The following CALN1 variants were observed in gnomAD, a reference collection of about 807,000 sequenced individuals.
The protein encoded by CALN1 is calcium-binding protein 8.
A neutral mutation model predicts 30.6 loss-of-function variants in CALN1; 17 were observed. The observed-to-expected ratio is 0.56, with a 90% CI of 0.38 to 0.83. The LOEUF (loss-of-function observed/expected upper bound fraction) is 0.83. CALN1 is among the 40% of genes least tolerant of loss of function. CALN1 has a pLI of 0.00. For synonymous variants in CALN1, 156 were observed against 131.4 expected (o/e 1.19, Z -1.28); for missense variants, 291 against 354.9 (o/e 0.82, Z 1.45).
chr7:72,421,821 C>G (rs1278509495), intron 1 of CALN1, among the ~76,000 whole-genome samples: 4 of 151,956 alleles, frequency 2.6e-5, no homozygotes, highest in African/African-American at 9.7e-5. Context: ...ATCTCCTGAC[C>G]TCATGATCTG....
chr7:71,903,395 T>C (rs1793966227), intron 5 of CALN1, among the ~76,000 whole-genome samples: 3 of 152,046 alleles, frequency 2.0e-5, no homozygotes, highest in Admixed American at 2.0e-4. Flanking sequence ...CAGAAATAAA[T>C]CCACATATTT....
In CALN1 at chr7:72,278,826, C is replaced by T; in HGVS notation, c.120-16G>A. The T allele has an allele frequency of 3.8e-6, 6 of 1,599,510 alleles. No individual in the cohort carries two copies. The highest frequency in any genetic ancestry group is 5.1e-6 in the Non-Finnish European group (6 of 1,167,846). On this transcript the variant is annotated splice_polypyrimidine_tract_variant and intron_variant, in intron 2 of 6. Coordinates refer to ENST00000395275, the MANE Select transcript of CALN1 (RefSeq NM_031468.4). ...CATCTTTTCCCTGCCCAAGAGAGAA[C>T]AGGGGAGGGGAAAAGAAAGACATCA...
chr7:72,116,034 G>C (rs547641246), intron 3 of CALN1, among the ~76,000 whole-genome samples: 1 of 152,202 alleles, frequency 6.6e-6, no homozygotes, highest in East Asian at 1.9e-4. Context: ...AGTCCATTGT[G>C]TATATGGACT....
At chr7:71,997,110 T>A (rs540085363) in intron 5 of CALN1, among the ~76,000 whole-genome samples, 2 of 152,122 alleles carry the variant, frequency 1.3e-5, no homozygotes, top group African/African-American at 4.8e-5. Flanking sequence ...GCACTGATAG[T>A]CCCAGCTACT....
the CALN1 span, among the ~76,000 whole-genome samples, chr7:72,462,021 GAA>G: frequency 7.2e-6 from 1 of 139,668 alleles, no homozygotes; most frequent in Non-Finnish European, 1.6e-5. Context: ...AAGAAAGAAA[GAA>G]AAAAAAAAAA....
chr7:72,170,166 A>G (rs1236301371), intron 3 of CALN1, among the ~76,000 whole-genome samples: 1 of 152,112 alleles, frequency 6.6e-6, no homozygotes, highest in Non-Finnish European at 1.5e-5. Flanking sequence ...TACATTTTGT[A>G]GAGACAGGAT....
intron 4 of CALN1, among the ~76,000 whole-genome samples, chr7:72,041,860 T>C (rs1220577597): frequency 1.3e-5 from 2 of 152,210 alleles, no homozygotes; most frequent in Admixed American, 6.5e-5. Context: ...GGCCTCTCCT[T>C]CTTTGCCTGC....
At chr7:72,302,863 A>G (rs1033728187) in intron 2 of CALN1, among the ~76,000 whole-genome samples, 1 of 127,890 alleles carries the variant, frequency 7.8e-6, no homozygotes, top group Non-Finnish European at 1.6e-5. Context: ...GCGCCACTGC[A>G]CTCCAGGCTT....
chr7:71,895,792 C>T (rs146602734), intron 5 of CALN1, among the ~76,000 whole-genome samples: 1 of 152,272 alleles, frequency 6.6e-6, no homozygotes, highest in African/African-American at 2.4e-5. Flanking sequence ...CATTAGAGTT[C>T]GTGCTTGACT....
chr7:72,472,197 A>G, the CALN1 span, among the ~76,000 whole-genome samples: 1 of 152,120 alleles, frequency 6.6e-6, no homozygotes, highest in Non-Finnish European at 1.5e-5. Context: ...GGAGAGTGCC[A>G]CTTTCTCAGC....
At chr7:71,801,428 G>GTATCTATCTATCTATCTATCTATC (rs58500083) in intron 6 of CALN1, among the ~76,000 whole-genome samples, 59 of 87,724 alleles carry the variant, frequency 6.7e-4, no homozygotes, top group Admixed American at 1.0e-3. Flanking sequence ...ATGTATGTAT[G>GTATCTATCTATCTATCTATCTATC]TATCTATCTA....
intron 5 of CALN1, among the ~76,000 whole-genome samples, chr7:72,009,790 T>A (rs1024629425): frequency 2.0e-5 from 3 of 152,224 alleles, no homozygotes; most frequent in Non-Finnish European, 4.4e-5. Context: ...TCTGCCACCA[T>A]GTAAGACATG....
intron 4 of CALN1, among the ~76,000 whole-genome samples, chr7:72,028,035 G>A (rs2129531179): frequency 6.9e-6 from 1 of 145,436 alleles, no homozygotes; most frequent in African/African-American, 2.5e-5. Flanking sequence ...CTCCAGCCTG[G>A]GCGACAGAGC....
intron 5 of CALN1, among the ~76,000 whole-genome samples, chr7:71,922,685 A>G (rs1311457299): frequency 7.2e-6 from 1 of 138,732 alleles, no homozygotes; most frequent in African/African-American, 2.6e-5. Context: ...TATATTATAT[A>G]TAAATATATA....
chr7:72,288,827 T>C (rs1387614061), intron 2 of CALN1, among the ~76,000 whole-genome samples: 1 of 152,244 alleles, frequency 6.6e-6, no homozygotes, highest in Non-Finnish European at 1.5e-5. Flanking sequence ...AATCTTATTT[T>C]TAACCCCTTT....
chr7:72,298,916 T>C (rs570167468), intron 2 of CALN1, among the ~76,000 whole-genome samples: 2 of 152,272 alleles, frequency 1.3e-5, no homozygotes, highest in South Asian at 4.2e-4. Flanking sequence ...TCCTCCGTGA[T>C]TGTGAGGCCT....
intron 5 of CALN1, among the ~76,000 whole-genome samples, chr7:71,851,715 A>G (rs1397702502): frequency 6.6e-6 from 1 of 152,026 alleles, no homozygotes. Context: ...GCAAACAAAC[A>G]AGTAAGAGAG....
chr7:71,847,504 C>G (rs940518142), intron 5 of CALN1, among the ~76,000 whole-genome samples: 1 of 150,774 alleles, frequency 6.6e-6, no homozygotes, highest in African/African-American at 2.4e-5. Context: ...AAACCAAAAC[C>G]AAAACCAAAA....
At chr7:72,447,003 G>A (rs902014154) in intron 1 of CALN1, 3 of 152,242 alleles carry the variant, frequency 2.0e-5, no homozygotes, top group African/African-American at 7.3e-5. Context: ...TTGACTGAGA[G>A]ACACACAAGC....
Sources: gnomAD v4.1 joint callset for allele counts (sites outside exome capture counted in the v4.1 genomes callset) on GRCh38, gnomAD v4.1.1 for gene constraint, MANE v1.5 for transcripts, NCBI Gene and HGNC (gene_info 2026-07-23, HGNC 2026-07-21) for gene names.